ATP2B2: variants seen among roughly 807,000 people sequenced by gnomAD.
ATP2B2 encodes the protein plasma membrane calcium-transporting ATPase 2.
In ATP2B2, 15 loss-of-function variants were observed where a neutral mutation model predicts 120.0. The observed-to-expected ratio is 0.12, with a 90% confidence interval of 0.08 to 0.19. ATP2B2 has a LOEUF of 0.19. Ranked by LOEUF, ATP2B2 falls within the 10% of genes least tolerant of loss-of-function variation. The pLI, the probability that ATP2B2 is intolerant of heterozygous loss-of-function variation, is 1.00. For synonymous variants in ATP2B2, 694 were observed against 700.3 expected (o/e 0.99, Z 0.14); for missense variants, 1,045 against 1,719.8 (o/e 0.61, Z 6.94).
chr3:10,435,317 G>A (rs371642389), intron 2 of ATP2B2, among the ~76,000 whole-genome samples: 36 of 152,290 alleles, frequency 2.4e-4, no homozygotes, highest in African/African-American at 8.4e-4. Flanking sequence ...AAATAAGGAG[G>A]AAGCAGGGGG....
intron 1 of ATP2B2, among the ~76,000 whole-genome samples, chr3:10,620,940 CTCACAGGGT>C (rs1419485424): frequency 6.6e-6 from 1 of 152,166 alleles, no homozygotes; most frequent in Non-Finnish European, 1.5e-5. Context: ...GTCCTCCTCA[CTCACAGGGT>C]TCACACCCTC....
rs754567354 is a variant in ATP2B2, at chr3:10,402,461, T to C, written c.398-113A>G. On this transcript the variant is annotated intron_variant, in intron 3 of 22. Transcript: ENST00000360273. The surrounding 1 kb of genome is among the most constrained non-coding windows in gnomAD (Gnocchi z 4.9). ...GTAACAAGTGTTAAGAATCAGATGA[T>C]AATTATCCACTTACTCAGTGTGTCT... is the stretch of plus-strand genomic sequence containing the variant. 5.4e-5 allele frequency: 80 copies of C among 1,483,814 alleles called. No individual in the cohort carries two copies. The highest frequency in any genetic ancestry group is 7.0e-5 in the Non-Finnish European group (75 of 1,077,496). The allele number at this position is 1,483,814 out of a possible 1,614,324, so 91.9% of individuals were successfully genotyped here.
chr3:10,662,634 A>G (rs1460192247), intron 1 of ATP2B2, among the ~76,000 whole-genome samples: 8 of 151,908 alleles, frequency 5.3e-5, no homozygotes, highest in Non-Finnish European at 8.8e-5. Flanking sequence ...CCACTTTTAC[A>G]CTGTTGGTGG....
intron 1 of ATP2B2, among the ~76,000 whole-genome samples, chr3:10,480,933 C>T (rs1451277119): frequency 6.6e-6 from 1 of 152,244 alleles, no homozygotes; most frequent in African/African-American, 2.4e-5. Flanking sequence ...CAGAGGGCCC[C>T]GTCACCCCTC....
At chr3:10,592,414 C>T (rs2068665117) in intron 2 of ATP2B2, among the ~76,000 whole-genome samples, 1 of 152,274 alleles carries the variant, frequency 6.6e-6, no homozygotes, top group African/African-American at 2.4e-5. Context: ...CTCCCACACC[C>T]ATGGCCCTTC....
At chr3:10,418,984 A>T (rs1255196788) in intron 2 of ATP2B2, among the ~76,000 whole-genome samples, 1 of 152,256 alleles carries the variant, frequency 6.6e-6, no homozygotes, top group Non-Finnish European at 1.5e-5. Context: ...GTGTGACAGC[A>T]GCAGGCTAAT....
chr3:10,638,596 A>C (rs1285202845), intron 1 of ATP2B2, among the ~76,000 whole-genome samples: 1 of 152,252 alleles, frequency 6.6e-6, no homozygotes, highest in African/African-American at 2.4e-5. Flanking sequence ...AAGATGATAG[A>C]TTTAAAGCTA....
chr3:10,385,213 G>A, intron 8 of ATP2B2, 55 bp downstream of exon 8: 1 of 1,548,506 alleles, frequency 6.5e-7, no homozygotes, highest in Non-Finnish European at 8.9e-7. Context: ...AAGTTGGGGT[G>A]GGGGTGAGAG....
chr3:10,356,258 T>C (rs538989212), intron 14 of ATP2B2, among the ~76,000 whole-genome samples: 2 of 152,098 alleles, frequency 1.3e-5, no homozygotes, highest in East Asian at 3.9e-4. Context: ...TCAGCCACTT[T>C]GGGCACATCA....
chr3:10,506,586 C>T (rs1387620248), upstream of ATP2B2, among the ~76,000 whole-genome samples: 9 of 152,110 alleles, frequency 5.9e-5, no homozygotes, highest in Non-Finnish European at 7.4e-5. Flanking sequence ...AGGAGGTCAC[C>T]GGGGGCGAGG....
chr3:10,382,374 TCTCA>T (rs1374840330), intron 8 of ATP2B2, among the ~76,000 whole-genome samples: 1 of 144,824 alleles, frequency 6.9e-6, no homozygotes, highest in Non-Finnish European at 1.5e-5. Context: ...TGAGACAGAG[TCTCA>T]CTCTGTCTCC....
intron 2 of ATP2B2, among the ~76,000 whole-genome samples, chr3:10,541,975 A>G (rs1390961326): frequency 2.6e-5 from 4 of 151,800 alleles, no homozygotes; most frequent in Non-Finnish European, 4.4e-5. Context: ...TTCCTGATTG[A>G]CCCTTTTATC....
chr3:10,637,682 G>C (rs2070061335), intron 1 of ATP2B2, among the ~76,000 whole-genome samples: 1 of 152,154 alleles, frequency 6.6e-6, no homozygotes, highest in African/African-American at 2.4e-5. Context: ...TATGCAACTG[G>C]AGTCCTCAGA....
intron 1 of ATP2B2, among the ~76,000 whole-genome samples, chr3:10,680,325 G>C (rs995247): frequency 6.6e-6 from 1 of 151,398 alleles, no homozygotes; most frequent in Non-Finnish European, 1.5e-5. Context: ...TGAGGGTTCT[G>C]GAGGCCCAGG....
At chr3:10,337,909 CT>C (rs1251260609) in intron 22 of ATP2B2, among the ~76,000 whole-genome samples, 1 of 152,188 alleles carries the variant, frequency 6.6e-6, no homozygotes, top group Non-Finnish European at 1.5e-5. Context: ...GGAAATCCCC[CT>C]GGAGACCATG....
chr3:10,637,172 C>T (rs373331595), intron 1 of ATP2B2, among the ~76,000 whole-genome samples: 2 of 152,142 alleles, frequency 1.3e-5, no homozygotes, highest in South Asian at 4.1e-4. Context: ...AAACTGTCTC[C>T]AAGTATCTTA....
intron 1 of ATP2B2, among the ~76,000 whole-genome samples, chr3:10,645,262 G>C (rs2070293298): frequency 6.6e-6 from 1 of 152,106 alleles, no homozygotes; most frequent in South Asian, 2.1e-4. Context: ...AAAATGGAGG[G>C]GGGTTGTACT....
In ATP2B2 at chr3:10,528,192, ACT is replaced by A. The variant is rs577564284; in HGVS notation, c.-320+5845_-320+5846del. On this transcript the variant is annotated intron_variant, in intron 3 of 21. Transcript: ENST00000646379. Reference sequence around the variant, plus strand: ...ACCTGGAAGTTCTTTTGTTCTGAGGACTCTCTGTACAACTGGCTGGCATGGAG... The same window carrying A: ...ACCTGGAAGTTCTTTTGTTCTGAGGACTCTGTACAACTGGCTGGCATGGAG... Among the ~76,000 whole-genome samples the A allele has an allele frequency of 5.0e-4, 76 of 151,756 alleles. 1 individual carries two copies. The South Asian group carries it at 0.016, about 31-fold the overall frequency.
chr3:10,462,754 C>T (rs1454153912), intron 1 of ATP2B2, among the ~76,000 whole-genome samples: 2 of 152,182 alleles, frequency 1.3e-5, no homozygotes, highest in African/African-American at 2.4e-5. Flanking sequence ...ATGGCTGTCT[C>T]TGGATTAAAA....
Sources: gnomAD v4.1 joint callset for allele counts (sites outside exome capture counted in the v4.1 genomes callset) on GRCh38, gnomAD v4.1.1 for gene constraint, Gnocchi (gnomAD v3.1) non-coding constraint, MANE v1.5 for transcripts, NCBI Gene and HGNC (gene_info 2026-07-23, HGNC 2026-07-21) for gene names.